Variants in PCDHA5 observed in about 807,000 individuals in gnomAD.
The protein encoded by PCDHA5 is protocadherin alpha 5.
Under a neutral mutation model 61.6 loss-of-function variants are expected in PCDHA5, and 43 were observed. The observed-to-expected ratio is 0.70, with a 90% CI of 0.55 to 0.90. PCDHA5 has a LOEUF of 0.90. Ranked by LOEUF, PCDHA5 falls within the 40% of genes least tolerant of loss-of-function variation. The probability of loss-of-function intolerance (pLI) is 0.00; values close to 1 mark genes in which losing one functional copy is unlikely to be tolerated. For missense variants in PCDHA5, 1,298 were observed against 1,222.7 expected (o/e 1.06, Z -0.92); for synonymous variants, 627 against 543.9 (o/e 1.15, Z -2.13).
intron 1 of PCDHA5, among the ~76,000 whole-genome samples, chr5:140,951,626 C>T (rs1182328214): frequency 3.3e-5 from 5 of 152,062 alleles, no homozygotes; most frequent in African/African-American, 4.8e-5. Context: ...AAGGGGGAAA[C>T]CTGCCCCATG....
chr5:140,994,156 C>T (rs926993777), intron 3 of PCDHA5, among the ~76,000 whole-genome samples: 25 of 152,124 alleles, frequency 1.6e-4, no homozygotes, highest in African/African-American at 4.1e-4. Context: ...GTAGGGTCAA[C>T]GAAGGGGAAG....
intron 1 of PCDHA5, chr5:140,927,637 G>C (rs1554204838): frequency 6.2e-7 from 1 of 1,614,176 alleles, no homozygotes; most frequent in Non-Finnish European, 8.5e-7. Flanking sequence ...TGCACCCAAT[G>C]GGACTGTGTT....
chr5:140,942,846 A>C (rs1239885134), intron 1 of PCDHA5, among the ~76,000 whole-genome samples: 1 of 152,312 alleles, frequency 6.6e-6, no homozygotes, highest in East Asian at 1.9e-4. Flanking sequence ...AAATTCCAGT[A>C]AGATGATTAT....
At chr5:140,870,164 T>A in intron 1 of PCDHA5, 1 of 1,614,174 alleles carries the variant, frequency 6.2e-7, no homozygotes, top group African/African-American at 1.3e-5. Context: ...GTGACTTCCT[T>A]GTCCCTCCCA....
chr5:140,835,961 G>A (rs2150249175), intron 1 of PCDHA5: 1 of 1,613,162 alleles, frequency 6.2e-7, no homozygotes, highest in Admixed American at 1.7e-5. Context: ...TGGACCACGA[G>A]GAGCTGGAGC....
chr5:140,956,060 G>A (rs1021406649), intron 1 of PCDHA5, among the ~76,000 whole-genome samples: 12 of 152,074 alleles, frequency 7.9e-5, no homozygotes, highest in African/African-American at 2.9e-4. Context: ...GAGACAATGG[G>A]GTTTTCCAGA....
intron 1 of PCDHA5, among the ~76,000 whole-genome samples, chr5:140,915,048 C>T (rs782399136): frequency 2.0e-5 from 3 of 151,284 alleles, no homozygotes; most frequent in East Asian, 1.9e-4. Context: ...TGGGTTCAAG[C>T]GATTCTCCTG....
intron 1 of PCDHA5, chr5:140,849,250 C>T: frequency 9.2e-7 from 1 of 1,091,342 alleles, no homozygotes; most frequent in Non-Finnish European, 1.3e-6. Context: ...GTGAAATTAC[C>T]AGAAAACGTT....
chr5:140,829,126 T>C (rs1770118219), intron 1 of PCDHA5: 2 of 1,612,444 alleles, frequency 1.2e-6, no homozygotes, highest in African/African-American at 1.3e-5. Flanking sequence ...ATAAAAATGA[T>C]AACGTCCCTG....
In PCDHA5 at chr5:140,822,839, T is replaced by C. The variant is rs2150119735; in HGVS notation, c.1064T>C (p.Phe355Ser). The C allele has an allele frequency of 5.6e-6, 9 of 1,614,184 alleles. No individual in the cohort carries two copies. Among genetic ancestry groups the C allele is most frequent in the Non-Finnish European group, 7.6e-6 (9 of 1,180,038 alleles). Residue 355 changes from phenylalanine to serine, a missense_variant, in exon 1 of 4, where the codon TTC becomes TCC. Physicochemically the swap from Phe to Ser is radical, Grantham distance 155. Coordinates refer to ENST00000529859, the MANE Select transcript of PCDHA5 (RefSeq NM_018908.3). ...NTPEMAITTL[F>S]LPVKEDAPLS... ...CCAGAGATGGCCATAACCACCCTTTTCCTGCCTGTCAAAGAGGACGCTCCA... is the reference window on the plus strand; with the variant it reads ...CCAGAGATGGCCATAACCACCCTTTCCCTGCCTGTCAAAGAGGACGCTCCA...
At chr5:140,943,592 T>C (rs900549060) in intron 1 of PCDHA5, among the ~76,000 whole-genome samples, 2 of 152,152 alleles carry the variant, frequency 1.3e-5, no homozygotes, top group African/African-American at 2.4e-5. Flanking sequence ...TGGGGCTGAA[T>C]TCTAAATATA....
intron 1 of PCDHA5, chr5:140,850,209 G>A (rs2150473302): frequency 1.9e-6 from 3 of 1,593,574 alleles, no homozygotes; most frequent in African/African-American, 2.7e-5. Context: ...TCGGATGAGG[G>A]GCACTGACGG....
rs952231570 is a variant in PCDHA5 at position 140,897,305 on chromosome 5, G to C, written c.2352+73178G>C. Among the ~76,000 whole-genome samples the C allele has an allele frequency of 1.9e-3, 284 of 150,706 alleles. 1 individual carries two copies. Among genetic ancestry groups the C allele is most frequent in the African/African-American group, 6.8e-3 (278 of 41,056 alleles). On this transcript the variant is annotated intron_variant, in intron 1 of 3. Coordinates refer to ENST00000529859, the MANE Select transcript of PCDHA5 (RefSeq NM_018908.3). ...CCATTAACTCGTCATTTAGCATTAG[G>C]TATATCTCCTAAAGCTATCCCTCCC...
In PCDHA5 at chr5:140,972,940, A is replaced by G. The variant is rs148421479; in HGVS notation, c.2353-6009A>G. The stretch of plus-strand genomic sequence containing the variant: ...GCCTCCCAAAGTGCTGGGATTACAG[A>G]TGTGAGCCACCATGCCCGGCAAAGG... On this transcript the variant is annotated intron_variant, in intron 1 of 3. Coordinates refer to ENST00000529859, the MANE Select transcript of PCDHA5 (RefSeq NM_018908.3). Among the ~76,000 whole-genome samples the G allele has an allele frequency of 9.4e-3, 1,423 of 152,078 alleles. 26 individuals are homozygous for G. The highest frequency in any genetic ancestry group is 0.032 in the African/African-American group (1,334 of 41,472).
chr5:140,912,381 A>G (rs1554195316), intron 1 of PCDHA5, among the ~76,000 whole-genome samples: 2 of 150,140 alleles, frequency 1.3e-5, no homozygotes, highest in African/African-American at 4.9e-5. Context: ...AAAGGGATTG[A>G]GTTCTTAATT....
chr5:140,874,215 G>A (rs2054781939), intron 1 of PCDHA5, among the ~76,000 whole-genome samples: 1 of 152,180 alleles, frequency 6.6e-6, no homozygotes, highest in Non-Finnish European at 1.5e-5. Context: ...ATTATTATAT[G>A]CAGTAGGAAT....
intron 1 of PCDHA5, among the ~76,000 whole-genome samples, chr5:140,895,039 C>T (rs1274502441): frequency 6.6e-6 from 1 of 152,060 alleles, no homozygotes. Context: ...GTCCCCCACC[C>T]ACACCATTCT....
intron 1 of PCDHA5, among the ~76,000 whole-genome samples, chr5:140,960,004 A>C (rs2095521827): frequency 6.6e-6 from 1 of 152,216 alleles, no homozygotes; most frequent in Non-Finnish European, 1.5e-5. Context: ...ATACAAATCT[A>C]TTTTGCATCA....
intron 1 of PCDHA5, among the ~76,000 whole-genome samples, chr5:140,909,531 G>A (rs2074565633): frequency 6.6e-6 from 1 of 152,160 alleles, no homozygotes. Flanking sequence ...CACATTTTGA[G>A]TCCTTGATGG....
Sources: allele counts gnomAD v4.1 joint callset (sites outside exome capture counted in the v4.1 genomes callset), GRCh38; gene constraint gnomAD v4.1.1; transcripts MANE v1.5; gene names NCBI Gene and HGNC (gene_info 2026-07-23, HGNC 2026-07-21).